Variants in ASIC2 observed in about 807,000 individuals in gnomAD.
The protein encoded by ASIC2 is acid sensing ion channel subunit 2, also known as acid-sensing ion channel 2.
Under a neutral mutation model 57.3 loss-of-function variants are expected in ASIC2, and 25 were observed. The ratio of observed to expected loss-of-function variants is 0.44; its 90% CI spans 0.32 to 0.61. The LOEUF (loss-of-function observed/expected upper bound fraction) is 0.61. ASIC2 is among the 20% of genes least tolerant of loss of function. ASIC2 has a pLI of 0.06. For missense variants in ASIC2, 641 were observed against 738.1 expected (o/e 0.87, Z 1.52); for synonymous variants, 319 against 307.5 (o/e 1.04, Z -0.39).
chr17:33,758,917 C>CA (rs56232795), intron 1 of ASIC2, among the ~76,000 whole-genome samples: 15,218 of 141,622 alleles, frequency 0.11, 1,014 homozygotes, highest in South Asian at 0.21. Context: ...AAGCTAATAC[C>CA]AAAAAAAAAA....
chr17:33,315,723 A>G (rs1261416095), intron 1 of ASIC2, among the ~76,000 whole-genome samples: 2 of 152,238 alleles, frequency 1.3e-5, no homozygotes, highest in Non-Finnish European at 2.9e-5. Flanking sequence ...TACTTGATGC[A>G]TATCATATAC....
At chr17:33,580,613 G>A (rs749160656) in intron 1 of ASIC2, among the ~76,000 whole-genome samples, 5 of 152,072 alleles carry the variant, frequency 3.3e-5, no homozygotes, top group Non-Finnish European at 7.4e-5. Flanking sequence ...TCAGGATTAG[G>A]AGGAGTTAAG....
rs1567678919 is a variant in ASIC2, at chr17:33,648,649, G to A, written c.555+507329C>T. Reference sequence around the variant, plus strand: ...GGTCTCTATTTGTGTCAAATACAATGGGGGCTGTGCCTCTGAGGTTGCAAT... The same window carrying A: ...GGTCTCTATTTGTGTCAAATACAATAGGGGCTGTGCCTCTGAGGTTGCAAT... On this transcript the variant is annotated intron_variant, in intron 1 of 9. Coordinates refer to the ASIC2 transcript ENST00000359872. Among the ~76,000 whole-genome samples the A allele has an allele frequency of 3.3e-5, 5 of 152,286 alleles. No individual in the cohort carries two copies. In the South Asian group the frequency reaches 1.0e-3, roughly 32 times the overall value.
chr17:33,533,583 T>A (rs1567641787), intron 1 of ASIC2: 1 of 152,166 alleles, frequency 6.6e-6, no homozygotes, highest in Admixed American at 6.5e-5. Context: ...TTTTCCAGAT[T>A]TCTGGCATTT....
At chr17:33,213,195 C>A (rs1416627785) in intron 1 of ASIC2, among the ~76,000 whole-genome samples, 2 of 152,170 alleles carry the variant, frequency 1.3e-5, no homozygotes. Flanking sequence ...AGCTCCAATG[C>A]ACATTAATAT....
rs570375307 is a variant in ASIC2, at chr17:34,086,976, G to T, written c.555+69002C>A. Among the ~76,000 whole-genome samples, 1,053 of 152,234 alleles carry T rather than the reference G, an allele frequency of 6.9e-3. 17 individuals carry two copies. Among genetic ancestry groups the T allele is most frequent in the African/African-American group, 0.024 (985 of 41,528 alleles). On this transcript the variant is annotated intron_variant, in intron 1 of 9. Transcript: ENST00000359872. ...TTTCCTGAATACAGCACACTGATGG[G>T]TCTTGACTCTTTATCCAATTTGCCA...
intron 1 of ASIC2, among the ~76,000 whole-genome samples, chr17:34,083,237 T>A (rs1909966458): frequency 6.9e-6 from 1 of 144,998 alleles, no homozygotes; most frequent in Non-Finnish European, 1.5e-5. Flanking sequence ...ATGTTCTCAC[T>A]GTTCAATTCC....
At position 33,269,639 on chromosome 17, in the gene ASIC2, C is replaced by T. The variant is rs915084283; in HGVS notation, c.708+21769G>A. Among the ~76,000 whole-genome samples the T allele has an allele frequency of 2.2e-3, 155 of 69,622 alleles. 1 individual carries two copies. The Middle Eastern group carries it at 0.029, about 13-fold the overall frequency. 45.7% of individuals were successfully genotyped at this position (69,622 alleles called of 152,430 possible). On this transcript the variant is annotated intron_variant, in intron 1 of 9. Transcript: ENST00000225823. ...CCTTCCTTCCTTCCTTCCTTCCTTC[C>T]TTCCTTCCTTCCTTCCTTCCTTCCT...
At chr17:33,923,459 G>A (rs1046972825) in intron 1 of ASIC2, among the ~76,000 whole-genome samples, 1 of 152,172 alleles carries the variant, frequency 6.6e-6, no homozygotes, top group African/African-American at 2.4e-5. Context: ...GGTCATACAG[G>A]TTACCAAGGA....
chr17:33,206,326 A>G (rs1417127712), intron 1 of ASIC2, among the ~76,000 whole-genome samples: 1 of 152,050 alleles, frequency 6.6e-6, no homozygotes, highest in Non-Finnish European at 1.5e-5. Context: ...GAAGGCCACC[A>G]CTTGTTGGCT....
At position 33,578,617 on chromosome 17, in the gene ASIC2, T is replaced by C. The variant is rs544374632; in HGVS notation, c.556-466550A>G. 1.8e-4 allele frequency among the ~76,000 whole-genome samples: 28 copies of C among 152,280 alleles called. No homozygotes were observed. In the South Asian group the frequency reaches 5.6e-3, roughly 31 times the overall value. On this transcript the variant is annotated intron_variant, in intron 1 of 9. Transcript: ENST00000359872. ...TATTCTTGGGAAGATCTTTATACGT[T>C]TGGGGTTCAGTCACTATGTCATTAG...
At position 33,952,484 on chromosome 17, in the gene ASIC2, A is replaced by G. The variant is rs143880799; in HGVS notation, c.555+203494T>C. Among the ~76,000 whole-genome samples, 6 of 152,300 alleles carry G rather than the reference A, an allele frequency of 3.9e-5. No individual in the cohort carries two copies. In the East Asian group the frequency reaches 1.2e-3, roughly 29 times the overall value. ...TGCTGTGAAGAGGAAAGAAGCTAAT[A>G]TATGTAAATTATTTATTATGATGTC... On this transcript the variant is annotated intron_variant, in intron 1 of 9. Transcript: ENST00000359872.
At chr17:33,859,174 G>A (rs1159589472) in intron 1 of ASIC2, among the ~76,000 whole-genome samples, 1 of 152,170 alleles carries the variant, frequency 6.6e-6, no homozygotes, top group Non-Finnish European at 1.5e-5. Flanking sequence ...AAATAATAGT[G>A]TTGGGTTATG....
At chr17:33,526,865 G>T (rs764057821) in intron 1 of ASIC2, among the ~76,000 whole-genome samples, 2 of 152,180 alleles carry the variant, frequency 1.3e-5, no homozygotes, top group African/African-American at 2.4e-5. Context: ...AGGAAGCTTT[G>T]TAAGAATTCC....
chr17:34,136,075 A>T (rs2142132670), intron 1 of ASIC2, among the ~76,000 whole-genome samples: 1 of 152,248 alleles, frequency 6.6e-6, no homozygotes, highest in South Asian at 2.1e-4. Context: ...ACCTAGTTAT[A>T]CCCTCCTCCT....
chr17:33,638,503 T>C (rs922437828), intron 1 of ASIC2, among the ~76,000 whole-genome samples: 8 of 152,224 alleles, frequency 5.3e-5, no homozygotes, highest in Admixed American at 3.9e-4. Context: ...GCCGAGGATG[T>C]AACGCGGAGT....
Position 33,995,040 on chromosome 17 carries a change from A to T in ASIC2, c.555+160938T>A, listed in dbSNP as rs576495905. The stretch of plus-strand genomic sequence containing the variant: ...TGTGTTAGAGGACTCCACATTTCTC[A>T]TAACTAGCTTGCCTACTAGCTGCAT... On this transcript the variant is annotated intron_variant, in intron 1 of 9. Transcript: ENST00000359872. Among the ~76,000 whole-genome samples the T allele has an allele frequency of 6.6e-5, 10 of 152,268 alleles. No homozygotes were observed. The South Asian group carries it at 1.9e-3, about 28-fold the overall frequency.
chr17:33,074,634 T>G (rs566808014), intron 3 of ASIC2, among the ~76,000 whole-genome samples: 1 of 152,324 alleles, frequency 6.6e-6, no homozygotes, highest in East Asian at 1.9e-4. Context: ...CAGGCAGTAT[T>G]GCTCAATGGT....
At chr17:33,038,688 C>T (rs2091918878) in intron 3 of ASIC2, among the ~76,000 whole-genome samples, 1 of 152,176 alleles carries the variant, frequency 6.6e-6, no homozygotes, top group Admixed American at 6.5e-5. Context: ...TACCCTGGTG[C>T]ATGTCTTTCA....
Sources: allele counts gnomAD v4.1 joint callset (sites outside exome capture counted in the v4.1 genomes callset), GRCh38; gene constraint gnomAD v4.1.1; transcripts MANE v1.5; gene names NCBI Gene and HGNC (gene_info 2026-07-23, HGNC 2026-07-21).